The following OXR1 variants were observed in gnomAD, a reference collection of about 807,000 sequenced individuals.
OXR1 encodes oxidation resistance protein 1.
OXR1 carries 41 observed loss-of-function variants against 104.6 expected under a neutral mutation model. The observed-to-expected ratio is 0.39, with a 90% CI of 0.31 to 0.51. The LOEUF (loss-of-function observed/expected upper bound fraction) is 0.51. Among genes scored for constraint, OXR1 ranks in the 20% least tolerant of loss-of-function variants. OXR1 has a pLI of 0.77. For missense variants in OXR1, 955 were observed against 1,031.9 expected (o/e 0.93, Z 1.02); for synonymous variants, 348 against 348.4 (o/e 1.00, Z 0.01).
intron 3 of OXR1, among the ~76,000 whole-genome samples, chr8:106,569,468 A>G (rs910137008): frequency 1.3e-5 from 2 of 152,222 alleles, no homozygotes; most frequent in Non-Finnish European, 2.9e-5. Flanking sequence ...AACACATTTA[A>G]AAAGCAAATC....
intron 3 of OXR1, among the ~76,000 whole-genome samples, chr8:106,621,888 G>A (rs1176809249): frequency 6.6e-6 from 1 of 152,096 alleles, no homozygotes; most frequent in Non-Finnish European, 1.5e-5. Flanking sequence ...TGAACATTTA[G>A]TCATATACTG....
chr8:106,587,231 A>G (rs1382482907), intron 3 of OXR1, among the ~76,000 whole-genome samples: 1 of 152,014 alleles, frequency 6.6e-6, no homozygotes, highest in African/African-American at 2.4e-5. Flanking sequence ...AGATACTGGT[A>G]GGTGGGTCGA....
intron 2 of OXR1, among the ~76,000 whole-genome samples, chr8:106,495,000 C>T (rs937137615): frequency 6.6e-6 from 1 of 152,124 alleles, no homozygotes; most frequent in African/African-American, 2.4e-5. Context: ...GTGCCAGACA[C>T]GTGTAGGTAC....
intron 2 of OXR1, among the ~76,000 whole-genome samples, chr8:106,494,068 G>A (rs1811267655): frequency 6.6e-6 from 1 of 152,112 alleles, no homozygotes; most frequent in Admixed American, 6.6e-5. Flanking sequence ...TCTGAAAATT[G>A]TAAGCATGTT....
At chr8:106,331,935 C>CA (rs3073753) in intron 1 of OXR1, among the ~76,000 whole-genome samples, 1,428 of 139,336 alleles carry the variant, frequency 0.01, 21 homozygotes, top group African/African-American at 0.028. Context: ...GACTCTGTCT[C>CA]AAAAAAAAAA....
At chr8:106,691,907 A>G (rs537336338) in intron 6 of OXR1, among the ~76,000 whole-genome samples, 1 of 150,470 alleles carries the variant, frequency 6.6e-6, no homozygotes, top group African/African-American at 2.4e-5. Flanking sequence ...TCATTTGTCA[A>G]GTTATTGAAC....
At chr8:106,440,869 G>A (rs973412959) in intron 2 of OXR1, among the ~76,000 whole-genome samples, 19 of 152,016 alleles carry the variant, frequency 1.2e-4, no homozygotes, top group African/African-American at 4.6e-4. Flanking sequence ...TATCACCAAT[G>A]TGTATTCCTA....
chr8:106,711,065 ATAT>A (rs1377160667), intron 10 of OXR1, among the ~76,000 whole-genome samples: 3 of 152,148 alleles, frequency 2.0e-5, no homozygotes, highest in African/African-American at 4.8e-5. Context: ...ATTCATCAAA[ATAT>A]TATTTGATAT....
At chr8:106,378,436 A>G (rs1816996426) in intron 2 of OXR1, among the ~76,000 whole-genome samples, 1 of 152,184 alleles carries the variant, frequency 6.6e-6, no homozygotes, top group African/African-American at 2.4e-5. Context: ...CTCTTCAAGG[A>G]GCAGGACTCT....
intron 2 of OXR1, among the ~76,000 whole-genome samples, chr8:106,361,900 AT>A (rs773394210): frequency 2.0e-5 from 3 of 152,214 alleles, no homozygotes; most frequent in Non-Finnish European, 2.9e-5. Context: ...TGACTAGTGC[AT>A]TCTCTAACTG....
At chr8:106,476,543 C>T (rs1821819822) in intron 2 of OXR1, among the ~76,000 whole-genome samples, 1 of 151,926 alleles carries the variant, frequency 6.6e-6, no homozygotes, top group African/African-American at 2.4e-5. Context: ...TGCCTTTAAT[C>T]CTGGTGCTCA....
intron 3 of OXR1, among the ~76,000 whole-genome samples, chr8:106,547,385 T>C (rs1815442226): frequency 6.6e-6 from 1 of 152,194 alleles, no homozygotes; most frequent in Non-Finnish European, 1.5e-5. Context: ...CTCATAGAAG[T>C]GGACTCACCC....
intron 2 of OXR1, among the ~76,000 whole-genome samples, chr8:106,413,503 G>A (rs1818545118): frequency 6.6e-6 from 1 of 152,070 alleles, no homozygotes; most frequent in Admixed American, 6.6e-5. Context: ...TTGTTAAGAT[G>A]AATAAGAGCT....
At chr8:106,538,727 T>A (rs1238800052) in intron 3 of OXR1, among the ~76,000 whole-genome samples, 1 of 152,182 alleles carries the variant, frequency 6.6e-6, no homozygotes, top group Non-Finnish European at 1.5e-5. Context: ...CCCCAGATAG[T>A]TCTGACAAAC....
intron 2 of OXR1, among the ~76,000 whole-genome samples, chr8:106,404,169 G>C (rs1266218088): frequency 1.3e-5 from 2 of 152,142 alleles, no homozygotes. Flanking sequence ...CTACCACTGG[G>C]TGTGGAGATG....
intron 2 of OXR1, among the ~76,000 whole-genome samples, chr8:106,480,495 G>T (rs1302017688): frequency 2.0e-5 from 3 of 151,814 alleles, no homozygotes; most frequent in Admixed American, 6.6e-5. Context: ...TACTTTGATT[G>T]GTTGACTGGA....
chr8:106,418,104 C>A (rs1415415095), intron 2 of OXR1, among the ~76,000 whole-genome samples: 2 of 151,866 alleles, frequency 1.3e-5, no homozygotes, highest in African/African-American at 4.8e-5. Flanking sequence ...ACAGATCACT[C>A]AAAAATGTAT....
chr8:106,726,347 T>A, intron 11 of OXR1: 2 of 1,045,814 alleles, frequency 1.9e-6, no homozygotes, highest in Non-Finnish European at 2.7e-6. Flanking sequence ...GTATATATAC[T>A]AGTCTTTTCA....
chr8:106,706,853 A>C lies in OXR1; in HGVS notation c.1332A>C (p.Lys444Asn). The change falls in exon 9 of 17, where the codon AAA becomes AAC. Residue 444 changes from lysine (K) to asparagine (N), a missense_variant. This residue lies in a region of OXR1 where 849 missense variants were observed against 852.9 expected (regional missense o/e 1.00). Transcript: ENST00000517566. ...CTAAAGAAGACAGCACAAGTATAAAAGGTAATTCAGACCAGGATTCTTTTC... is the reference window on the plus strand; with the variant it reads ...CTAAAGAAGACAGCACAAGTATAAACGGTAATTCAGACCAGGATTCTTTTC... ...SGPKEDSTSI[K>N]GNSDQDSFLH... is the part of the protein sequence containing the mutation. 1 of 1,612,266 alleles carries C rather than the reference A, an allele frequency of 6.2e-7. No homozygotes were observed.
Sources: allele counts gnomAD v4.1 joint callset (sites outside exome capture counted in the v4.1 genomes callset), GRCh38; gene constraint gnomAD v4.1.1; regional missense constraint gnomAD v4.1.1; transcripts MANE v1.5; gene names NCBI Gene and HGNC (gene_info 2026-07-23, HGNC 2026-07-21).